The following ADGRG4 variants were observed in gnomAD, a reference collection of about 807,000 sequenced individuals.
ADGRG4 encodes the protein adhesion G protein-coupled receptor G4, also known as G protein-coupled receptor 112.
In ADGRG4, 122 loss-of-function variants were observed where a neutral mutation model predicts 126.2. The ratio of observed to expected loss-of-function variants is 0.97; its 90% CI spans 0.83 to 1.12. The LOEUF (loss-of-function observed/expected upper bound fraction) is 1.12, where lower values mean the gene tolerates loss of function less well. Ranked by LOEUF, ADGRG4 falls within the 50% of genes most tolerant of loss-of-function variation. The pLI, the probability that ADGRG4 is intolerant of heterozygous loss-of-function variation, is 0.00. For synonymous variants in ADGRG4, 943 were observed against 838.7 expected (o/e 1.12, Z -2.15); for missense variants, 2,481 against 2,251.8 (o/e 1.10, Z -2.06).
At chrX:136,316,390 CT>C (rs1167608812) in intron 4 of ADGRG4, among the ~76,000 whole-genome samples, 1 of 108,657 alleles carries the variant, frequency 9.2e-6, no homozygotes, top group Non-Finnish European at 1.9e-5. Context: ...AGGGATTTTG[CT>C]GAAAAAAAAA....
rs1443374655 is a variant in ADGRG4, at chrX:136,347,111, A to G, written c.3405A>G (p.Thr1135=). Residue 1135 remains threonine, a synonymous_variant, in exon 6 of 26, where the codon ACA becomes ACG. Coordinates refer to ENST00000394143, the MANE Select transcript of ADGRG4 (RefSeq NM_153834.4). ...CCCTTTTCTCTACCTCAGTTGATAC[A>G]GTAACCCCATCTACACACACTCTTG... ...ETTLFSTSVD[T]VTPSTHTLVC... The G allele has an allele frequency of 1.7e-6, 2 of 1,210,063 alleles. No individual in the cohort carries two copies. Among genetic ancestry groups the G allele is most frequent in the East Asian group, 5.9e-5 (2 of 33,803 alleles).
chrX:136,368,488 C>G (rs1439345423), intron 13 of ADGRG4, among the ~76,000 whole-genome samples: 1 of 111,852 alleles, frequency 8.9e-6, no homozygotes, highest in Non-Finnish European at 1.9e-5. Flanking sequence ...TCTTGGTACA[C>G]TCTCATTTGA....
intron 16 of ADGRG4, among the ~76,000 whole-genome samples, chrX:136,391,611 A>T (rs1354891273): frequency 8.9e-6 from 1 of 112,395 alleles, no homozygotes; most frequent in Non-Finnish European, 1.9e-5. Context: ...AAAGCACATA[A>T]TAAGTGGCTC....
chrX:136,314,481 C>A (rs1156680648), intron 4 of ADGRG4, among the ~76,000 whole-genome samples: 1 of 111,550 alleles, frequency 9.0e-6, no homozygotes, highest in Non-Finnish European at 1.9e-5. Flanking sequence ...ACCAAAAGGC[C>A]TTTGCACGTA....
At position 136,350,059 on chromosome X, in the gene ADGRG4, G is replaced by A. The variant is rs756028905; in HGVS notation, c.6353G>A (p.Arg2118Lys). The A allele has an allele frequency of 5.0e-6, 6 of 1,208,858 alleles. No individual in the cohort carries two copies. Among genetic ancestry groups the A allele is most frequent in the Non-Finnish European group, 5.6e-6 (5 of 894,676 alleles). Residue 2118 changes from arginine to lysine, a missense_variant, in exon 6 of 26, where the codon AGG (arginine) becomes AAG (lysine). Transcript: ENST00000394143. ...AGAACCACAATAACTGCCAACCCCA[G>A]GACTGTGTCTCATCCTTCATCCTTC... ...SSRTTITANP[R>K]TVSHPSSFSR...
intron 4 of ADGRG4, among the ~76,000 whole-genome samples, chrX:136,311,430 C>CACAT (rs2074770642): frequency 9.1e-6 from 1 of 109,948 alleles, no homozygotes; most frequent in Non-Finnish European, 1.9e-5. Context: ...CACACACACA[C>CACAT]GCTCACACCC....
chrX:136,408,379 C>G (rs774978282), intron 23 of ADGRG4, among the ~76,000 whole-genome samples: 19 of 111,560 alleles, frequency 1.7e-4, no homozygotes, highest in Non-Finnish European at 3.2e-4. Context: ...CTCTTCTCCC[C>G]CTAATAGTCC....
At chrX:136,304,344 A>T (rs982406101) in intron 2 of ADGRG4, 137 bp downstream of exon 2, 1 of 112,487 alleles carries the variant, frequency 8.9e-6, no homozygotes, top group Admixed American at 9.4e-5. Flanking sequence ...AAAAGAACAC[A>T]TGCAAATGAT....
chrX:136,348,261 A>G lies in ADGRG4; in HGVS notation c.4555A>G (p.Asn1519Asp). ...PIYQMSSLPV[N>D]VTAFTSKKVS... ...TTACCAGATGTCCTCATTGCCAGTT[A>G]ATGTAACTGCCTTCACCTCCAAAAA... Residue 1519 changes from asparagine to aspartate, a missense_variant, in exon 6 of 26, where the codon AAT becomes GAT. Coordinates refer to ENST00000394143, the MANE Select transcript of ADGRG4 (RefSeq NM_153834.4). 8.3e-7 allele frequency: 1 copy of G among 1,210,765 alleles called. No homozygotes were observed. Among genetic ancestry groups the G allele is most frequent in the Non-Finnish European group, 1.1e-6 (1 of 894,695 alleles).
At chrX:136,363,412 C>A in intron 12 of ADGRG4, 65 bp from the exon 13 acceptor site, 1 of 748,615 alleles carries the variant, frequency 1.3e-6, no homozygotes, top group Non-Finnish European at 2.1e-6. Context: ...GCTATATCCA[C>A]CATTTGCTTT....
chrX:136,326,705 G>A (rs2074875480), intron 5 of ADGRG4, among the ~76,000 whole-genome samples: 1 of 110,934 alleles, frequency 9.0e-6, no homozygotes, highest in Admixed American at 9.7e-5. Context: ...TTGGCTGTAT[G>A]GTATCTGGGA....
rs375052767 is a variant in ADGRG4, at chrX:136,339,523, G to A, written c.686-4869G>A. ...ATCCAACTTGCCTGAAGTTGTCAGA[G>A]GGACTCCCATTTGATCCAGAAGGGG... On this transcript the variant is annotated intron_variant, in intron 5 of 25. Coordinates refer to ENST00000394143, the MANE Select transcript of ADGRG4 (RefSeq NM_153834.4). 6.8e-4 allele frequency among the ~76,000 whole-genome samples: 76 copies of A among 111,883 alleles called. No homozygotes were observed. The East Asian group carries it at 9.1e-3, about 13-fold the overall frequency.
chrX:136,333,584 C>T (rs755293258), intron 5 of ADGRG4, among the ~76,000 whole-genome samples: 2 of 111,847 alleles, frequency 1.8e-5, no homozygotes, highest in Non-Finnish European at 3.8e-5. Flanking sequence ...CTGGCACGAT[C>T]TCAGCTCACT....
intron 5 of ADGRG4, among the ~76,000 whole-genome samples, chrX:136,339,148 A>T (rs1267570236): frequency 1.8e-5 from 2 of 111,236 alleles, no homozygotes; most frequent in South Asian, 7.8e-4. Context: ...TAGTTTTCGT[A>T]GACTTGGCCA....
chrX:136,344,406 A>G lies in ADGRG4; in HGVS notation c.700A>G (p.Met234Val), dbSNP rs1244970384. The G allele has an allele frequency of 2.3e-5, 27 of 1,152,345 alleles. No homozygotes were observed. The highest frequency in any genetic ancestry group is 3.1e-5 in the Non-Finnish European group (27 of 862,116). The allele number at this position is 1,152,345 out of a possible 1,213,427, so 95.0% of individuals were successfully genotyped here. ...RTLRCFVPEN[M>V]TIQEKSTTVS... ...GATTTTTTTAGTTGTTCCTGAAAAT[A>G]TGACAATTCAAGAAAAAAGTACAAC... is the stretch of plus-strand genomic sequence containing the variant. The change falls in exon 6 of 26, where the codon ATG becomes GTG. Residue 234 changes from methionine (M) to valine (V), a missense_variant. Coordinates refer to ENST00000394143, the MANE Select transcript of ADGRG4 (RefSeq NM_153834.4).
At position 136,347,117 on chromosome X, in the gene ADGRG4, C is replaced by T. The variant is rs1263570945; in HGVS notation, c.3411C>T (p.Thr1137=). 1 of 1,207,170 alleles carries T rather than the reference C, an allele frequency of 8.3e-7. No individual in the cohort carries two copies. Among genetic ancestry groups the T allele is most frequent in the Non-Finnish European group, 1.1e-6 (1 of 893,609 alleles). ...TCTCTACCTCAGTTGATACAGTAAC[C>T]CCATCTACACACACTCTTGTCTGCT... ...TLFSTSVDTV[T]PSTHTLVCSK... Residue 1137 remains threonine, a synonymous_variant, in exon 6 of 26, where the codon ACC becomes ACT. Coordinates refer to ENST00000394143, the MANE Select transcript of ADGRG4 (RefSeq NM_153834.4).
chrX:136,403,335 A>G lies in ADGRG4; in HGVS notation c.8654+13A>G. 2.6e-6 allele frequency: 3 copies of G among 1,166,596 alleles called. No individual in the cohort carries two copies. The highest frequency in any genetic ancestry group is 3.5e-6 in the Non-Finnish European group (3 of 854,873). On this transcript the variant is annotated intron_variant, in intron 22 of 25. Transcript: ENST00000394143. ...CAACAACTCCGTTGTAAGTACCAGC[A>G]TCTCTGTTTCTCTGGTGGTGGGGCT...
chrX:136,318,706 A>G (rs778881040), intron 4 of ADGRG4, among the ~76,000 whole-genome samples: 9 of 111,328 alleles, frequency 8.1e-5, no homozygotes, highest in African/African-American at 2.6e-4. Context: ...TCTCAGCCTC[A>G]CAAAAACAAG....
Position 136,345,303 on chromosome X carries a change from C to G in ADGRG4, c.1597C>G (p.Gln533Glu). Residue 533 changes from glutamine (Q) to glutamate (E), a missense_variant, in exon 6 of 26, where the codon CAG becomes GAG. Coordinates refer to ENST00000394143, the MANE Select transcript of ADGRG4 (RefSeq NM_153834.4). The stretch of plus-strand genomic sequence containing the variant: ...AACAGAATTGACATCTACAAATTTT[C>G]AGGATGTCTCTTTACCCAGAGTGGA... ...AETELTSTNF[Q>E]DVSLPRVEDA... 1.7e-6 allele frequency: 2 copies of G among 1,210,048 alleles called. No individual in the cohort carries two copies. The highest frequency in any genetic ancestry group is 2.2e-6 in the Non-Finnish European group (2 of 894,195).
Sources: allele counts gnomAD v4.1 joint callset (sites outside exome capture counted in the v4.1 genomes callset), GRCh38; gene constraint gnomAD v4.1.1; transcripts MANE v1.5; gene names NCBI Gene and HGNC (gene_info 2026-07-23, HGNC 2026-07-21).